Variants in STXBP5L observed in about 807,000 individuals in gnomAD.
The protein encoded by STXBP5L is syntaxin binding protein 5L, also known as syntaxin-binding protein 5-like.
In STXBP5L, 65 loss-of-function variants were observed where a neutral mutation model predicts 144.5. That is an observed-to-expected ratio of 0.45 (90% CI 0.37 to 0.55). The LOEUF (loss-of-function observed/expected upper bound fraction) is 0.55, where lower values mean the gene tolerates loss of function less well. Ranked by LOEUF, STXBP5L falls within the 20% of genes least tolerant of loss-of-function variation. The pLI is 0.00. For synonymous variants in STXBP5L, 505 were observed against 469.6 expected (o/e 1.08, Z -0.97); for missense variants, 1,298 against 1,405.5 (o/e 0.92, Z 1.22).
intron 5 of STXBP5L, among the ~76,000 whole-genome samples, chr3:121,062,793 GATTT>G (rs566660053): frequency 1.5e-4 from 23 of 152,158 alleles, no homozygotes; most frequent in South Asian, 1.2e-3. Flanking sequence ...CCGCCTGATT[GATTT>G]GTCTATTGAT....
chr3:120,910,947 G>A lies in STXBP5L; in HGVS notation c.189+1180G>A, dbSNP rs143208753. Among the ~76,000 whole-genome samples the A allele has an allele frequency of 3.1e-3, 466 of 152,096 alleles. 3 individuals carry two copies. Among genetic ancestry groups the A allele is most frequent in the African/African-American group, 0.01 (433 of 41,510 alleles). ...ATAGGAAATAACAGATATTCTGTTC[G>A]ATGAGGGAAGGTCTTAACAGTGGTT... On this transcript the variant is annotated intron_variant, in intron 2 of 26. Transcript: ENST00000471454.
chr3:121,004,663 T>A (rs1175826453), intron 3 of STXBP5L, among the ~76,000 whole-genome samples: 10 of 152,158 alleles, frequency 6.6e-5, no homozygotes, highest in Non-Finnish European at 1.5e-4. Context: ...TTTTTGCCCA[T>A]TTGGTATGAT....
intron 20 of STXBP5L, among the ~76,000 whole-genome samples, chr3:121,342,136 T>A (rs927169662): frequency 6.6e-6 from 1 of 151,892 alleles, no homozygotes; most frequent in Non-Finnish European, 1.5e-5. Context: ...CCACAACAAT[T>A]AAAAATTAAA....
intron 22 of STXBP5L, among the ~76,000 whole-genome samples, chr3:121,397,514 A>G (rs766760336): frequency 6.6e-6 from 1 of 152,194 alleles, no homozygotes; most frequent in Non-Finnish European, 1.5e-5. Context: ...AATCATTTTA[A>G]AGGTATAGGT....
intron 7 of STXBP5L, among the ~76,000 whole-genome samples, chr3:121,139,966 C>A (rs1458608272): frequency 2.0e-5 from 3 of 151,958 alleles, no homozygotes; most frequent in Non-Finnish European, 4.4e-5. Flanking sequence ...AAAAACCAAA[C>A]AACCCAGTTG....
At chr3:121,388,064 C>T (rs1472860758) in intron 22 of STXBP5L, among the ~76,000 whole-genome samples, 2 of 152,054 alleles carry the variant, frequency 1.3e-5, no homozygotes, top group Non-Finnish European at 2.9e-5. Context: ...TGTTTGTGTC[C>T]TCTTTTATTT....
intron 3 of STXBP5L, among the ~76,000 whole-genome samples, chr3:121,006,208 A>C (rs1217543337): frequency 6.6e-6 from 1 of 152,138 alleles, no homozygotes; most frequent in Non-Finnish European, 1.5e-5. Context: ...TGGGTCTCTA[A>C]GGACTTGCTT....
intron 3 of STXBP5L, among the ~76,000 whole-genome samples, chr3:121,012,806 C>T (rs1428407645): frequency 6.6e-6 from 1 of 151,662 alleles, no homozygotes; most frequent in Non-Finnish European, 1.5e-5. Flanking sequence ...AACAAAGTAC[C>T]TGATAGGTAG....
At chr3:121,372,189 G>A (rs904290044) in intron 20 of STXBP5L, among the ~76,000 whole-genome samples, 1 of 152,142 alleles carries the variant, frequency 6.6e-6, no homozygotes, top group African/African-American at 2.4e-5. Context: ...AGGTACCTAG[G>A]GGCTGCACTA....
intron 3 of STXBP5L, among the ~76,000 whole-genome samples, chr3:120,993,320 T>C (rs1943073626): frequency 6.6e-6 from 1 of 152,118 alleles, no homozygotes; most frequent in Non-Finnish European, 1.5e-5. Flanking sequence ...TTTAATACCA[T>C]CTTATTTGTC....
At chr3:120,986,427 T>A (rs1337708996) in intron 3 of STXBP5L, among the ~76,000 whole-genome samples, 1 of 151,976 alleles carries the variant, frequency 6.6e-6, no homozygotes, top group African/African-American at 2.4e-5. Context: ...CTTTATATTC[T>A]ATCTGGTTGT....
intron 11 of STXBP5L, among the ~76,000 whole-genome samples, chr3:121,232,258 C>A (rs2049334095): frequency 6.6e-6 from 1 of 152,028 alleles, no homozygotes; most frequent in Non-Finnish European, 1.5e-5. Flanking sequence ...GTGAACATAC[C>A]CCCTTATTCT....
At chr3:121,238,554 C>A (rs1245880034) in intron 12 of STXBP5L, among the ~76,000 whole-genome samples, 1 of 151,890 alleles carries the variant, frequency 6.6e-6, no homozygotes, top group Non-Finnish European at 1.5e-5. Flanking sequence ...GAAAGAAAGT[C>A]AAAATTTACT....
chr3:121,037,525 T>C (rs994741101), intron 3 of STXBP5L, among the ~76,000 whole-genome samples: 2 of 151,994 alleles, frequency 1.3e-5, no homozygotes, highest in Non-Finnish European at 2.9e-5. Context: ...TGAAGCACTA[T>C]AGTCTTTTTA....
At chr3:120,994,566 T>C (rs1282724552) in intron 3 of STXBP5L, among the ~76,000 whole-genome samples, 1 of 152,168 alleles carries the variant, frequency 6.6e-6, no homozygotes, top group Non-Finnish European at 1.5e-5. Flanking sequence ...GTGTCCTTAT[T>C]TTGTTGATGT....
At position 121,300,304 on chromosome 3, in the gene STXBP5L, TA is replaced by T. The variant is rs538343713; in HGVS notation, c.2111-18164del. On this transcript the variant is annotated intron_variant, in intron 19 of 26. Coordinates refer to ENST00000471454, the MANE Select transcript of STXBP5L (RefSeq NM_001308330.2). ...TAGTAAAGAAAATTTTTAAAGCAGA[TA>T]AAAAAACGATGGAAAATTAGGAATA... Among the ~76,000 whole-genome samples the T allele has an allele frequency of 3.9e-3, 590 of 152,094 alleles. 2 individuals carry two copies. Among genetic ancestry groups the T allele is most frequent in the Non-Finnish European group, 3.7e-3 (250 of 67,948 alleles).
intron 9 of STXBP5L, among the ~76,000 whole-genome samples, chr3:121,198,152 C>T (rs6797170): frequency 0.099 from 15,097 of 152,166 alleles, 1,178 homozygotes; most frequent in Admixed American, 0.2. Context: ...GACTCACCAG[C>T]GTCTGTTCTT....
chr3:121,398,970 T>C (rs978072874), intron 22 of STXBP5L, among the ~76,000 whole-genome samples: 2 of 152,102 alleles, frequency 1.3e-5, no homozygotes, highest in Non-Finnish European at 2.9e-5. Flanking sequence ...CTGGGGCAAC[T>C]ACTTTTCACC....
intron 3 of STXBP5L, among the ~76,000 whole-genome samples, chr3:120,975,482 T>C (rs1463629712): frequency 2.0e-5 from 3 of 152,254 alleles, no homozygotes; most frequent in Non-Finnish European, 4.4e-5. Flanking sequence ...ATTCATGTCA[T>C]CTGCAAACAG....
Sources: gnomAD v4.1 joint callset for allele counts (sites outside exome capture counted in the v4.1 genomes callset) on GRCh38, gnomAD v4.1.1 for gene constraint, MANE v1.5 for transcripts, NCBI Gene and HGNC (gene_info 2026-07-23, HGNC 2026-07-21) for gene names.